RUNX3: variants seen among roughly 807,000 people sequenced by gnomAD.
RUNX3 encodes runt-related transcription factor 3.
A neutral mutation model predicts 27.7 loss-of-function variants in RUNX3; 10 were observed. That is an observed-to-expected ratio of 0.36 (90% CI 0.22 to 0.61). The LOEUF (loss-of-function observed/expected upper bound fraction) is 0.61. RUNX3 is among the 20% of genes least tolerant of loss of function. The probability of loss-of-function intolerance (pLI) is 0.72; values close to 1 mark genes in which losing one functional copy is unlikely to be tolerated. For synonymous variants in RUNX3, 270 were observed against 269.2 expected (o/e 1.00, Z -0.03); for missense variants, 469 against 629.5 (o/e 0.75, Z 2.73).
rs916611683 is a variant in RUNX3 at position 24,962,422 on chromosome 1, C to T, written c.58+2092G>A. Among the ~76,000 whole-genome samples, 3 of 152,186 alleles carry T rather than the reference C, an allele frequency of 2.0e-5. No homozygotes were observed. Among genetic ancestry groups the T allele is most frequent in the East Asian group, 1.9e-4 (1 of 5,198 alleles). ...GGGTTAGGGACCCTGTAGGGGGCAG[C>T]GTGGGGTTGGCACCCTGCAAATGGG... On this transcript the variant is annotated intron_variant, in intron 2 of 6. Transcript: ENST00000338888. The surrounding 1 kb of genome is among the most constrained non-coding windows in gnomAD (Gnocchi z 4.5).
intron 2 of RUNX3, among the ~76,000 whole-genome samples, chr1:24,960,777 T>C (rs1013793902): frequency 2.6e-5 from 4 of 152,124 alleles, no homozygotes; most frequent in East Asian, 1.9e-4. Context: ...CTCAGGGCCA[T>C]TGGCCCATAA....
Position 24,927,740 on chromosome 1 carries a change from C to T in RUNX3, c.283-10G>A, listed in dbSNP as rs760178116. 3.6e-5 allele frequency: 57 copies of T among 1,602,504 alleles called. No individual in the cohort carries two copies. Among genetic ancestry groups the T allele is most frequent in the Non-Finnish European group, 4.5e-5 (53 of 1,173,252 alleles). ...CCCCCAATGCCACCACCTGAAGACA[C>T]GGGGCGGGGGGATGCAGGGGGACAG... On this transcript the variant is annotated splice_polypyrimidine_tract_variant and intron_variant, in intron 1 of 4. Coordinates refer to ENST00000308873, the MANE Select transcript of RUNX3 (RefSeq NM_004350.3). This position sits in a 1 kb window ranked among gnomAD's most constrained non-coding sequence, Gnocchi z 5.0.
chr1:24,956,299 T>C (rs891171057), intron 2 of RUNX3, among the ~76,000 whole-genome samples: 1 of 152,232 alleles, frequency 6.6e-6, no homozygotes, highest in African/African-American at 2.4e-5. Flanking sequence ...AAAAATTGTT[T>C]TCCCTTAAAT....
rs533301540 is a variant in RUNX3 at position 24,902,873 on chromosome 1, G to A, written c.704-207C>T. On this transcript the variant is annotated intron_variant, in intron 4 of 4. Transcript: ENST00000308873. The surrounding 1 kb of genome is among the most constrained non-coding windows in gnomAD (Gnocchi z 9.2). ...CCTGCCGGGAAGCTGGTTGGAGCGT[G>A]CCCCGGGCCAAGAGGGGCCATGGGA... is the stretch of plus-strand genomic sequence containing the variant. Among the ~76,000 whole-genome samples, 2 of 151,940 alleles carry A rather than the reference G, an allele frequency of 1.3e-5. No homozygotes were observed. The highest frequency in any genetic ancestry group is 4.1e-4 in the South Asian group (2 of 4,822).
Position 24,902,237 on chromosome 1 carries a change from T to C in RUNX3, c.1133A>G (p.Asn378Ser), listed in dbSNP as rs752136706. 3 of 1,578,222 alleles carry C rather than the reference T, an allele frequency of 1.9e-6. No individual in the cohort carries two copies. The highest frequency in any genetic ancestry group is 2.3e-5 in the South Asian group (2 of 86,720). The change falls in exon 5 of 5, where the codon AAC (asparagine) becomes AGC (serine). Residue 378 changes from asparagine to serine, a missense_variant. Physicochemically the swap from Asn to Ser is conservative, Grantham distance 46. Transcript: ENST00000308873. This position sits in a 1 kb window ranked among gnomAD's most constrained non-coding sequence, Gnocchi z 9.2. ...AASVAAGNLM[N>S]PSLGGQSDGV... is the part of the protein sequence containing the mutation. ...ATCACTCTGGCCGCCCAGGCTGGGG[T>C]TCATGAGGTTGCCGGCGGCGACAGA...
At chr1:24,930,855 G>C (rs1440685901), upstream of RUNX3, among the ~76,000 whole-genome samples, 1 of 152,168 alleles carries the variant, frequency 6.6e-6, no homozygotes, top group African/African-American at 2.4e-5. This position sits in a 1 kb window ranked among gnomAD's most constrained non-coding sequence, Gnocchi z 4.1. Flanking sequence ...GCTGCTCCCA[G>C]CCCTGCGCGG....
exon 2 of RUNX3, chr1:24,964,576 CG>C: frequency 6.2e-7 from 1 of 1,609,574 alleles, no homozygotes; most frequent in East Asian, 2.2e-5. Flanking sequence ...TGCCATGCCC[CG>C]CTCTGAAGAA....
chr1:24,964,781 T>G, intron 1 of RUNX3: 2 of 1,282,402 alleles, frequency 1.6e-6, no homozygotes, highest in East Asian at 5.2e-5. Context: ...CGCGAGAGTG[T>G]GTGTGAGTGA....
intron 3 of RUNX3, among the ~76,000 whole-genome samples, chr1:24,914,383 G>C (rs981252110): frequency 2.6e-5 from 4 of 152,244 alleles, no homozygotes; most frequent in Non-Finnish European, 5.9e-5. Flanking sequence ...CCGGGCCCGA[G>C]GCCGGCTCTG....
intron 2 of RUNX3, among the ~76,000 whole-genome samples, chr1:24,951,575 T>A (rs1641767559): frequency 6.6e-6 from 1 of 152,172 alleles, no homozygotes; most frequent in African/African-American, 2.4e-5. Context: ...CCTTCACCCC[T>A]TGAGTCGCTC....
intron 2 of RUNX3, chr1:24,964,441 C>CG (rs1642201547): frequency 8.1e-7 from 1 of 1,236,144 alleles, no homozygotes; most frequent in Non-Finnish European, 1.2e-6. Flanking sequence ...GCAGCCAGGG[C>CG]GGTCAGTGGA....
At chr1:24,935,219 T>C (rs933771702), upstream of RUNX3, among the ~76,000 whole-genome samples, 2 of 152,216 alleles carry the variant, frequency 1.3e-5, no homozygotes, top group African/African-American at 4.8e-5. Flanking sequence ...TGATGCCACA[T>C]TCAGTGCCTC....
intron 3 of RUNX3, among the ~76,000 whole-genome samples, chr1:24,912,222 C>T (rs1640809999): frequency 1.3e-5 from 2 of 152,200 alleles, no homozygotes; most frequent in African/African-American, 4.8e-5. Context: ...CCCCTCTGCA[C>T]AGTCTGCTCA....
intron 2 of RUNX3, among the ~76,000 whole-genome samples, chr1:24,950,045 C>T (rs542513155): frequency 2.0e-5 from 3 of 152,354 alleles, no homozygotes; most frequent in Admixed American, 6.5e-5. Context: ...TGAGCTCCCC[C>T]GATGCCTGCA....
Position 24,912,888 on chromosome 1 carries a change from C to G in RUNX3, c.545-5471G>C, listed in dbSNP as rs188678147. Among the ~76,000 whole-genome samples, 688 of 152,140 alleles carry G rather than the reference C, an allele frequency of 4.5e-3. 5 individuals carry two copies. The highest frequency in any genetic ancestry group is 0.015 in the African/African-American group (618 of 41,492). On this transcript the variant is annotated intron_variant, in intron 3 of 4. Coordinates refer to ENST00000308873, the MANE Select transcript of RUNX3 (RefSeq NM_004350.3). ...GACTCCACAATAGATGTTAGGGCCC[C>G]GTCCAGCCCCAGGCCCAGAGCTGCT...
chr1:24,910,009 G>C (rs1305625501), intron 3 of RUNX3, among the ~76,000 whole-genome samples: 1 of 152,248 alleles, frequency 6.6e-6, no homozygotes, highest in Non-Finnish European at 1.5e-5. Flanking sequence ...ATGGAGGCTA[G>C]GCATGGTGGC....
chr1:24,910,665 G>T (rs1332187761), intron 3 of RUNX3, among the ~76,000 whole-genome samples: 6 of 152,198 alleles, frequency 3.9e-5, no homozygotes, highest in African/African-American at 1.4e-4. Context: ...AGAAAGCAGG[G>T]GGCCTGGGAG....
At chr1:24,908,290 T>TGATCCAAACCTCTACGACACGC (rs1557837490) in intron 3 of RUNX3, among the ~76,000 whole-genome samples, 1 of 145,770 alleles carries the variant, frequency 6.9e-6, no homozygotes, top group African/African-American at 2.6e-5. Context: ...CTACGACATG[T>TGATCCAAACCTCTACGACACGC]GGTGATCCAA....
At position 24,955,979 on chromosome 1, in the gene RUNX3, C is replaced by T. The variant is rs138233003; in HGVS notation, c.58+8535G>A. ...TAAGTCCGCTGGGGACGTAGGCCCACCTCTCCAGGGAAACTGTCTGCAGAT... is the reference window on the plus strand; with the variant it reads ...TAAGTCCGCTGGGGACGTAGGCCCATCTCTCCAGGGAAACTGTCTGCAGAT... On this transcript the variant is annotated intron_variant, in intron 2 of 6. Coordinates refer to the RUNX3 transcript ENST00000338888. 6.8e-3 allele frequency among the ~76,000 whole-genome samples: 1,043 copies of T among 152,380 alleles called. 12 individuals carry two copies. The highest frequency in any genetic ancestry group is 0.023 in the African/African-American group (973 of 41,590).
Sources: allele counts gnomAD v4.1 joint callset (sites outside exome capture counted in the v4.1 genomes callset), GRCh38; gene constraint gnomAD v4.1.1; non-coding constraint Gnocchi (gnomAD v3.1); transcripts MANE v1.5; gene names NCBI Gene and HGNC (gene_info 2026-07-23, HGNC 2026-07-21).